Variants in DEK observed in about 807,000 individuals in gnomAD.
DEK encodes protein DEK.
Under a neutral mutation model 46.8 loss-of-function variants are expected in DEK, and 28 were observed. The ratio of observed to expected loss-of-function variants is 0.60; its 90% confidence interval spans 0.44 to 0.82. The LOEUF (loss-of-function observed/expected upper bound fraction) is 0.82, where lower values mean the gene tolerates loss of function less well. DEK is among the 40% of genes least tolerant of loss of function. The probability of loss-of-function intolerance (pLI) is 0.00; values close to 1 mark genes in which losing one functional copy is unlikely to be tolerated. For missense variants in DEK, 416 were observed against 430.6 expected (o/e 0.97, Z 0.30); for synonymous variants, 160 against 144.5 (o/e 1.11, Z -0.77).
At chr6:18,246,810 A>C (rs1477919641) in intron 7 of DEK, among the ~76,000 whole-genome samples, 1 of 152,250 alleles carries the variant, frequency 6.6e-6, no homozygotes, top group Non-Finnish European at 1.5e-5. Flanking sequence ...GAAACTGAAC[A>C]AAGTAAAATC....
At chr6:18,237,350 A>C (rs374645506) in intron 8 of DEK, 31 bp downstream of exon 8, 1 of 1,576,108 alleles carries the variant, frequency 6.3e-7, no homozygotes, top group Non-Finnish European at 8.5e-7. Flanking sequence ...TATATCTTTA[A>C]AGTTGCTGAT....
chr6:18,252,847 T>G (rs978840173), intron 6 of DEK, among the ~76,000 whole-genome samples: 1 of 152,184 alleles, frequency 6.6e-6, no homozygotes, highest in Non-Finnish European at 1.5e-5. Flanking sequence ...GCAACATATA[T>G]TAGTCACTGT....
intron 10 of DEK, 95 bp from the exon 11 acceptor site, chr6:18,225,825 G>T: frequency 6.9e-7 from 1 of 1,445,110 alleles, no homozygotes; most frequent in Non-Finnish European, 9.7e-7. Flanking sequence ...TCAAAAATCA[G>T]TTGAGATCAA....
chr6:18,237,247 T>G, intron 8 of DEK, 134 bp downstream of exon 8: 1 of 1,043,804 alleles, frequency 9.6e-7, no homozygotes. Context: ...ATAAGGGATA[T>G]TCAACCTGTA....
chr6:18,255,144 T>C (rs377509717), intron 6 of DEK, among the ~76,000 whole-genome samples: 1 of 152,226 alleles, frequency 6.6e-6, no homozygotes, highest in African/African-American at 2.4e-5. Flanking sequence ...ACCTATGTCA[T>C]TCGTTACCAT....
chr6:18,242,961 A>T (rs567685713), intron 7 of DEK, among the ~76,000 whole-genome samples: 13 of 152,286 alleles, frequency 8.5e-5, no homozygotes, highest in African/African-American at 3.1e-4. Context: ...ATAAGTGCTT[A>T]GTTATGATGA....
chr6:18,250,647 C>A (rs1791336664), intron 6 of DEK, among the ~76,000 whole-genome samples: 1 of 122,072 alleles, frequency 8.2e-6, no homozygotes, highest in East Asian at 2.6e-4. Flanking sequence ...AAGTATGCAC[C>A]ATCACGCCCA....
Position 18,237,591 on chromosome 6 carries a change from T to G in DEK, c.763-75A>C. 2.7e-6 allele frequency: 4 copies of G among 1,493,574 alleles called. No individual in the cohort carries two copies. In the South Asian group the frequency reaches 5.5e-5, roughly 21 times the overall value. 92.5% of individuals were successfully genotyped at this position (1,493,574 alleles called of 1,614,324 possible). A position where few individuals can be genotyped will look rare whatever the true frequency, so the allele number is the denominator to read the frequency against. ...TCCCATCCCATCCCTCTACTTCCCC[T>G]ATGCCCCTTAATAATATTAGAGAAA... is the stretch of plus-strand genomic sequence containing the variant. On this transcript the variant is annotated intron_variant, in intron 7 of 10. Coordinates refer to ENST00000652689, the MANE Select transcript of DEK (RefSeq NM_003472.4).
At chr6:18,246,957 T>A (rs1324819668) in intron 7 of DEK, among the ~76,000 whole-genome samples, 1 of 152,214 alleles carries the variant, frequency 6.6e-6, no homozygotes, top group East Asian at 1.9e-4. Context: ...TAATTTCCTA[T>A]CATAAAGAAA....
At chr6:18,242,885 G>A (rs532852848) in intron 7 of DEK, among the ~76,000 whole-genome samples, 107 of 152,292 alleles carry the variant, frequency 7.0e-4, no homozygotes, top group African/African-American at 2.5e-3. Context: ...ATTGTGAAGG[G>A]AAAAGAACTT....
intron 7 of DEK, among the ~76,000 whole-genome samples, chr6:18,239,858 A>G (rs1790829345): frequency 6.6e-6 from 1 of 152,206 alleles, no homozygotes; most frequent in African/African-American, 2.4e-5. Context: ...GGAATCCTAA[A>G]AATTCTTAAG....
intron 2 of DEK, among the ~76,000 whole-genome samples, chr6:18,263,049 A>C (rs1791949042): frequency 6.6e-6 from 1 of 152,150 alleles, no homozygotes; most frequent in Non-Finnish European, 1.5e-5. Flanking sequence ...AAGAGATGCG[A>C]CTCGGATTTT....
At chr6:18,258,973 T>C (rs1366735582) in intron 2 of DEK, among the ~76,000 whole-genome samples, 1 of 152,190 alleles carries the variant, frequency 6.6e-6, no homozygotes, top group Non-Finnish European at 1.5e-5. Context: ...GAGCATTACT[T>C]TGTAGTTTAT....
At chr6:18,229,257 T>C (rs941304608) in intron 9 of DEK, among the ~76,000 whole-genome samples, 15 of 152,004 alleles carry the variant, frequency 9.9e-5, no homozygotes, top group African/African-American at 3.1e-4. Context: ...AGACCAAAGG[T>C]AGATAAAACC....
At chr6:18,256,901 C>T (rs9350064) in intron 4 of DEK, among the ~76,000 whole-genome samples, 24,770 of 152,104 alleles carry the variant, frequency 0.16, 2,403 homozygotes, top group East Asian at 0.25. Flanking sequence ...AAGCTAATAC[C>T]GTTCACTAGT....
chr6:18,253,710 G>A lies in DEK; in HGVS notation c.573+2021C>T, dbSNP rs1284273546. On this transcript the variant is annotated intron_variant, in intron 6 of 10. Transcript: ENST00000652689. ...AAAATATTCTTTTTATGTGAGGCTC[G>A]GTTTTCTTCATATACTTATTATTTT... is the stretch of plus-strand genomic sequence containing the variant. Among the ~76,000 whole-genome samples, 5 of 151,942 alleles carry A rather than the reference G, an allele frequency of 3.3e-5. No homozygotes were observed. The South Asian group carries it at 6.2e-4, about 19-fold the overall frequency.
At chr6:18,238,844 A>T (rs1363437324) in intron 7 of DEK, among the ~76,000 whole-genome samples, 2 of 152,208 alleles carry the variant, frequency 1.3e-5, no homozygotes, top group African/African-American at 2.4e-5. Context: ...TACACACTAA[A>T]ACTACTGCGA....
intron 7 of DEK, among the ~76,000 whole-genome samples, chr6:18,247,820 G>A (rs1189367992): frequency 6.6e-6 from 1 of 151,952 alleles, no homozygotes; most frequent in Non-Finnish European, 1.5e-5. Flanking sequence ...TTATCGGCAT[G>A]CACCACCACG....
chr6:18,254,733 C>G (rs887544044), intron 6 of DEK, among the ~76,000 whole-genome samples: 2 of 152,104 alleles, frequency 1.3e-5, no homozygotes, highest in Non-Finnish European at 2.9e-5. Flanking sequence ...TTGCCTCACA[C>G]TAAATCCTTA....
Sources: gnomAD v4.1 joint callset for allele counts (sites outside exome capture counted in the v4.1 genomes callset) on GRCh38, gnomAD v4.1.1 for gene constraint, MANE v1.5 for transcripts, NCBI Gene and HGNC (gene_info 2026-07-23, HGNC 2026-07-21) for gene names.